The following PCDHGA1 variants were observed in gnomAD, a reference collection of about 807,000 sequenced individuals.
PCDHGA1 encodes protocadherin gamma-A1.
In PCDHGA1, 32 loss-of-function variants were observed where a neutral mutation model predicts 58.0. The ratio of observed to expected loss-of-function variants is 0.55; its 90% CI spans 0.42 to 0.74. PCDHGA1 has a LOEUF of 0.74. Ranked by LOEUF, PCDHGA1 falls within the 30% of genes least tolerant of loss-of-function variation. The pLI, the probability that PCDHGA1 is intolerant of heterozygous loss-of-function variation, is 0.00. For synonymous variants in PCDHGA1, 498 were observed against 501.1 expected, an observed-to-expected ratio of 0.99 and a Z score of 0.08; for missense variants, 1,205 against 1,182.3, an observed-to-expected ratio of 1.02 and a Z score of -0.28.
intron 1 of PCDHGA1, chr5:141,414,279 A>G (rs1369675815): frequency 1.9e-6 from 3 of 1,613,350 alleles, no homozygotes; most frequent in Admixed American, 3.3e-5. Context: ...CTCTGGGAAC[A>G]GTCGTAGCCC....
At chr5:141,346,093 C>T in intron 1 of PCDHGA1, 13 of 1,613,786 alleles carry the variant, frequency 8.1e-6, no homozygotes, top group South Asian at 1.1e-5. Context: ...CCCAACGATT[C>T]GGACCTCACT....
chr5:141,345,183 GT>G (rs758420424), intron 1 of PCDHGA1: 1 of 1,614,026 alleles, frequency 6.2e-7, no homozygotes. Context: ...GCAGGTTGAA[GT>G]TTTTGTCCTG....
intron 1 of PCDHGA1, chr5:141,342,880 G>C (rs866366380): frequency 1.3e-5 from 2 of 152,154 alleles, no homozygotes; most frequent in African/African-American, 4.8e-5. Flanking sequence ...CATCCTTACA[G>C]TCTAGATTTA....
intron 1 of PCDHGA1, chr5:141,412,306 A>G (rs1160364599): frequency 1.3e-5 from 2 of 152,238 alleles, no homozygotes; most frequent in Non-Finnish European, 2.9e-5. Flanking sequence ...TCTCATTACA[A>G]TGCAAACAGT....
intron 1 of PCDHGA1, chr5:141,390,095 T>TC: frequency 6.2e-7 from 1 of 1,613,972 alleles, no homozygotes; most frequent in South Asian, 1.1e-5. Flanking sequence ...AATCCGTGGT[T>TC]CCCCCCAACT....
rs778372966 is a variant in PCDHGA1, at chr5:141,477,105, A to G, written c.2422-17702A>G. The G allele has an allele frequency of 7.4e-6, 12 of 1,614,106 alleles. No individual in the cohort carries two copies. The highest frequency in any genetic ancestry group is 4.0e-5 in the African/African-American group (3 of 74,934). On this transcript the variant is annotated intron_variant, in intron 1 of 3. Transcript: ENST00000517417. This position sits in a 1 kb window ranked among gnomAD's most constrained non-coding sequence, Gnocchi z 4.9. ...ATCCAGGCCAAAGACAAGGGCGCCA[A>G]TCCCGAAGGAGCACATTGCAAAGTG...
chr5:141,400,232 C>T (rs2093984634), intron 1 of PCDHGA1: 1 of 1,614,032 alleles, frequency 6.2e-7, no homozygotes. Context: ...TTCCTCCTGG[C>T]CGTGATTCTG....
At chr5:141,478,567 C>T (rs371741874) in intron 1 of PCDHGA1, 20 of 1,593,698 alleles carry the variant, frequency 1.3e-5, no homozygotes, top group Non-Finnish European at 1.7e-5. Flanking sequence ...GCAAGTCATG[C>T]TTGACCCTGT....
chr5:141,475,990 A>T, intron 1 of PCDHGA1: 1 of 1,140,672 alleles, frequency 8.8e-7, no homozygotes, highest in Non-Finnish European at 1.2e-6. Context: ...CGGCGAGCAA[A>T]TCAACGGCAT....
chr5:141,375,956 G>A (rs760158486), intron 1 of PCDHGA1: 16 of 1,613,506 alleles, frequency 9.9e-6, no homozygotes, highest in South Asian at 3.3e-5. Flanking sequence ...GCACACGGGC[G>A]AGGTGCGCAC....
At chr5:141,348,140 TGA>T (rs1488883250) in intron 1 of PCDHGA1, among the ~76,000 whole-genome samples, 1 of 152,236 alleles carries the variant, frequency 6.6e-6, no homozygotes, top group East Asian at 1.9e-4. Context: ...TGAAATCATA[TGA>T]GAGTTATCCA....
chr5:141,340,252 AG>A, intron 1 of PCDHGA1: 1 of 1,614,180 alleles, frequency 6.2e-7, no homozygotes, highest in South Asian at 1.1e-5. Flanking sequence ...CTAAAGATGG[AG>A]GGAACCCCTC....
At chr5:141,433,070 CCCCAG>C in intron 1 of PCDHGA1, 1 of 1,614,174 alleles carries the variant, frequency 6.2e-7, no homozygotes, top group Non-Finnish European at 8.5e-7. Context: ...CCTGATCTTC[CCCCAG>C]CCCAACTATG....
chr5:141,347,164 TTTC>T (rs2149744188), intron 1 of PCDHGA1, among the ~76,000 whole-genome samples: 1 of 146,904 alleles, frequency 6.8e-6, no homozygotes, highest in East Asian at 2.0e-4. Flanking sequence ...TCTTTCTTTC[TTTC>T]TTTCTTTCTT....
intron 1 of PCDHGA1, chr5:141,385,756 T>A: frequency 5.6e-6 from 1 of 179,052 alleles, no homozygotes; most frequent in Non-Finnish European, 1.1e-5. Flanking sequence ...GATTTTTTTC[T>A]GTGGCTGATT....
intron 1 of PCDHGA1, chr5:141,388,753 T>C: frequency 6.2e-7 from 1 of 1,613,986 alleles, no homozygotes; most frequent in Non-Finnish European, 8.5e-7. Flanking sequence ...ATCACCCAAT[T>C]TGACCTGAAC....
At chr5:141,414,623 C>T (rs998923536) in intron 1 of PCDHGA1, 2 of 1,613,820 alleles carry the variant, frequency 1.2e-6, no homozygotes, top group African/African-American at 1.3e-5. Flanking sequence ...GCGCTGGACC[C>T]GGACAGCAAA....
chr5:141,466,683 A>G (rs1347308492), intron 1 of PCDHGA1, among the ~76,000 whole-genome samples: 1 of 152,170 alleles, frequency 6.6e-6, no homozygotes, highest in African/African-American at 2.4e-5. Context: ...CTTCCACTCA[A>G]GCTTCATCAT....
At chr5:141,353,413 T>G (rs929607532) in intron 1 of PCDHGA1, among the ~76,000 whole-genome samples, 2 of 152,224 alleles carry the variant, frequency 1.3e-5, no homozygotes, top group African/African-American at 4.8e-5. Flanking sequence ...TCTTCATCAA[T>G]TACATTCTAG....
Sources: allele counts gnomAD v4.1 joint callset (sites outside exome capture counted in the v4.1 genomes callset), GRCh38; gene constraint gnomAD v4.1.1; non-coding constraint Gnocchi (gnomAD v3.1); transcripts MANE v1.5; gene names NCBI Gene and HGNC (gene_info 2026-07-23, HGNC 2026-07-21).